The following ADARB2 variants were observed in gnomAD, a reference collection of about 807,000 sequenced individuals.
ADARB2 encodes the protein inactive double-stranded RNA-specific editase B2.
A neutral mutation model predicts 62.2 loss-of-function variants in ADARB2; 25 were observed. The observed-to-expected ratio is 0.40, with a 90% CI of 0.29 to 0.56. The LOEUF (loss-of-function observed/expected upper bound fraction) is 0.56. Among genes scored for constraint, ADARB2 ranks in the 20% least tolerant of loss-of-function variants. The pLI is 0.43. For missense variants in ADARB2, 1,071 were observed against 1,077.4 expected, an observed-to-expected ratio of 0.99 and a Z score of 0.08; for synonymous variants, 572 against 500.8, an observed-to-expected ratio of 1.14 and a Z score of -1.90.
In ADARB2 at chr10:1,384,677, A is replaced by AAG. The variant is rs1435340326; in HGVS notation, c.101-5518_101-5517insCT. On this transcript the variant is annotated intron_variant, in intron 1 of 9. Coordinates refer to ENST00000381312, the MANE Select transcript of ADARB2 (RefSeq NM_018702.4). ...TTCCCACCTGGAAGCTCTTTTCAGC[A>AAG]GTAGAAAAGTGGACCTGGAGAAGAA... is the stretch of plus-strand genomic sequence containing the variant. Among the ~76,000 whole-genome samples, 3 of 152,222 alleles carry AAG rather than the reference A, an allele frequency of 2.0e-5. No individual in the cohort carries two copies. In the East Asian group the frequency reaches 5.8e-4, roughly 29 times the overall value.
chr10:1,452,468 A>G (rs1483665924), intron 1 of ADARB2, among the ~76,000 whole-genome samples: 1 of 152,348 alleles, frequency 6.6e-6, no homozygotes, highest in East Asian at 1.9e-4. Flanking sequence ...GCAGCCATAA[A>G]AAAGGTTGAG....
intron 1 of ADARB2, among the ~76,000 whole-genome samples, chr10:1,502,993 T>C (rs1831784624): frequency 6.6e-6 from 1 of 152,226 alleles, no homozygotes; most frequent in Admixed American, 6.5e-5. Flanking sequence ...TAATTATGTT[T>C]TAAATAACTT....
At chr10:1,694,891 C>G (rs1834719684) in intron 1 of ADARB2, among the ~76,000 whole-genome samples, 1 of 152,050 alleles carries the variant, frequency 6.6e-6, no homozygotes, top group African/African-American at 2.4e-5. Flanking sequence ...AGAGGGGGCA[C>G]CTGAGCCACG....
At chr10:1,311,483 A>AG (rs1257934909) in intron 3 of ADARB2, among the ~76,000 whole-genome samples, 1 of 152,144 alleles carries the variant, frequency 6.6e-6, no homozygotes, top group African/African-American at 2.4e-5. Context: ...ATGAAAAAAA[A>AG]AGACACCTGA....
intron 2 of ADARB2, among the ~76,000 whole-genome samples, chr10:1,371,372 A>G (rs1350772738): frequency 6.6e-6 from 1 of 152,232 alleles, no homozygotes; most frequent in Non-Finnish European, 1.5e-5. Flanking sequence ...ACTTCTGGAC[A>G]TTGGCCTAGG....
intron 8 of ADARB2, among the ~76,000 whole-genome samples, chr10:1,198,519 C>T (rs1174338584): frequency 2.0e-5 from 3 of 152,158 alleles, no homozygotes; most frequent in South Asian, 4.1e-4. Flanking sequence ...GGCAAGGTAC[C>T]AAGATTTAGG....
intron 4 of ADARB2, among the ~76,000 whole-genome samples, chr10:1,269,974 A>T (rs1335493055): frequency 1.3e-5 from 2 of 152,228 alleles, no homozygotes; most frequent in Non-Finnish European, 2.9e-5. Flanking sequence ...TGATGTGTTT[A>T]TAAAGCAACT....
chr10:1,698,047 T>A (rs1040722056), intron 1 of ADARB2, among the ~76,000 whole-genome samples: 1 of 152,086 alleles, frequency 6.6e-6, no homozygotes, highest in African/African-American at 2.4e-5. Flanking sequence ...GAATGATGGG[T>A]TTCCAATGGT....
chr10:1,433,604 G>A (rs1455887055), intron 1 of ADARB2, among the ~76,000 whole-genome samples: 2 of 152,142 alleles, frequency 1.3e-5, no homozygotes, highest in African/African-American at 4.8e-5. Context: ...GAGGGGTGGA[G>A]CAGGGATTCG....
chr10:1,629,672 G>A lies in ADARB2; in HGVS notation c.100+107379C>T, dbSNP rs1025279984. ...GATCCTGCAAGTCCAGCTCACCCCC[G>A]GCCCTTCACAAACTCCCCCAAACTG... On this transcript the variant is annotated intron_variant, in intron 1 of 9. Transcript: ENST00000381312. Among the ~76,000 whole-genome samples the A allele has an allele frequency of 6.0e-5, 9 of 149,184 alleles. No homozygotes were observed. In the South Asian group the frequency reaches 6.5e-4, roughly 11 times the overall value.
chr10:1,636,379 T>C (rs1833917621), intron 1 of ADARB2, among the ~76,000 whole-genome samples: 1 of 152,050 alleles, frequency 6.6e-6, no homozygotes, highest in Non-Finnish European at 1.5e-5. Flanking sequence ...TAACCAGACA[T>C]GGTAGTGTGA....
At chr10:1,372,044 A>G (rs913697492) in intron 2 of ADARB2, among the ~76,000 whole-genome samples, 8 of 152,214 alleles carry the variant, frequency 5.3e-5, no homozygotes, top group Admixed American at 3.3e-4. Context: ...GACAATAGCA[A>G]AGACATGTAA....
intron 1 of ADARB2, 82 bp downstream of exon 1, chr10:1,736,969 A>C: frequency 7.0e-7 from 1 of 1,427,062 alleles, no homozygotes; most frequent in South Asian, 1.2e-5. Context: ...ACAACGGACA[A>C]GCCCGGAGAC....
At chr10:1,649,489 G>A (rs955045830) in intron 1 of ADARB2, among the ~76,000 whole-genome samples, 2 of 152,144 alleles carry the variant, frequency 1.3e-5, no homozygotes, top group South Asian at 4.1e-4. Flanking sequence ...TTTCTCCGTG[G>A]CTCATTTGAC....
At chr10:1,410,165 T>C (rs1233750735) in intron 1 of ADARB2, among the ~76,000 whole-genome samples, 3 of 149,910 alleles carry the variant, frequency 2.0e-5, no homozygotes, top group Middle Eastern at 3.5e-3. Context: ...GCTGTGGTCA[T>C]GGTGCCGAGG....
At chr10:1,206,721 G>A (rs1354300831) in intron 7 of ADARB2, among the ~76,000 whole-genome samples, 1 of 152,184 alleles carries the variant, frequency 6.6e-6, no homozygotes, top group Non-Finnish European at 1.5e-5. Context: ...TCTCTGTATT[G>A]GGTTGGTGGC....
intron 1 of ADARB2, among the ~76,000 whole-genome samples, chr10:1,594,308 C>G (rs1588316021): frequency 6.6e-6 from 1 of 152,110 alleles, no homozygotes; most frequent in East Asian, 1.9e-4. Flanking sequence ...AATCAAAAAA[C>G]AAACAAAACA....
chr10:1,434,756 G>C (rs897772781), intron 1 of ADARB2, among the ~76,000 whole-genome samples: 1 of 152,172 alleles, frequency 6.6e-6, no homozygotes, highest in Non-Finnish European at 1.5e-5. Context: ...CTCGACCTTA[G>C]TTATAGACTA....
intron 1 of ADARB2, among the ~76,000 whole-genome samples, chr10:1,501,035 C>G (rs1288871471): frequency 6.6e-6 from 1 of 152,114 alleles, no homozygotes; most frequent in African/African-American, 2.4e-5. Flanking sequence ...CCACCACGCC[C>G]AGCTAATTTT....
Sources: gnomAD v4.1 joint callset for allele counts (sites outside exome capture counted in the v4.1 genomes callset) on GRCh38, gnomAD v4.1.1 for gene constraint, MANE v1.5 for transcripts, NCBI Gene and HGNC (gene_info 2026-07-23, HGNC 2026-07-21) for gene names.